Variants in CTSH observed in about 807,000 individuals in gnomAD.
CTSH encodes the protein pro-cathepsin H.
CTSH carries 52 observed loss-of-function variants against 56.3 expected under a neutral mutation model. The ratio of observed to expected loss-of-function variants is 0.92; its 90% CI spans 0.74 to 1.16. CTSH has a LOEUF of 1.16. CTSH is among the 50% of genes most tolerant of loss of function. The pLI, the probability that CTSH is intolerant of heterozygous loss-of-function variation, is 0.00. For synonymous variants in CTSH, 174 were observed against 155.7 expected, an observed-to-expected ratio of 1.12 and a Z score of -0.88; for missense variants, 406 against 424.5, an observed-to-expected ratio of 0.96 and a Z score of 0.38.
intron 8 of CTSH, among the ~76,000 whole-genome samples, chr15:78,928,225 A>G (rs79123103): frequency 0.1 from 15,295 of 151,442 alleles, 837 homozygotes; most frequent in East Asian, 0.26. Context: ...GGAGGGTAGG[A>G]CCTGGCATTT....
In CTSH at chr15:78,929,332, G is replaced by C. The variant is rs893918851; in HGVS notation, c.630+80C>G. 10 of 1,073,978 alleles carry C rather than the reference G, an allele frequency of 9.3e-6. No individual in the cohort carries two copies. In the African/African-American group the frequency reaches 1.4e-4, roughly 15 times the overall value. 66.5% of individuals were successfully genotyped at this position (1,073,978 alleles called of 1,614,324 possible). On this transcript the variant is annotated intron_variant, in intron 8 of 11. Transcript: ENST00000220166. ...GCGGGAGGGAGGTGGGGGGAGAAGG[G>C]ATGTCTTCCAAGGCTGGGGAGGGAG...
intron 2 of CTSH, chr15:78,937,649 A>G (rs566671183): frequency 7.2e-7 from 1 of 1,393,110 alleles, no homozygotes; most frequent in Non-Finnish European, 9.4e-7. Context: ...GCTGCGTGAA[A>G]GTCAGAATGT....
intron 1 of CTSH, among the ~76,000 whole-genome samples, chr15:78,940,660 T>A (rs1314805778): frequency 6.6e-6 from 1 of 152,212 alleles, no homozygotes; most frequent in East Asian, 1.9e-4. Context: ...AACTTTTCTA[T>A]AAGAGTCAGG....
chr15:78,944,441 C>G (rs1032990875), intron 1 of CTSH: 1 of 154,790 alleles, frequency 6.5e-6, no homozygotes, highest in African/African-American at 2.4e-5. Flanking sequence ...CCCGTCCAAC[C>G]TACTCTACAG....
At chr15:78,933,545 T>TA (rs1440180894) in intron 5 of CTSH, 1 of 455,184 alleles carries the variant, frequency 2.2e-6, no homozygotes, top group African/African-American at 2.0e-5. Flanking sequence ...TCCCTTCACA[T>TA]ATCTCTCTCA....
At chr15:78,924,017 T>C (rs1305768635) in intron 10 of CTSH, among the ~76,000 whole-genome samples, 1 of 147,886 alleles carries the variant, frequency 6.8e-6, no homozygotes, top group African/African-American at 2.5e-5. Flanking sequence ...GCAAAGAGGC[T>C]GCTTCTCTAC....
In CTSH at chr15:78,932,437, T is replaced by C. The variant is rs2055082989; in HGVS notation, c.427A>G (p.Thr143Ala). 4 of 1,613,820 alleles carry C rather than the reference T, an allele frequency of 2.5e-6. No homozygotes were observed. The highest frequency in any genetic ancestry group is 3.4e-6 in the Non-Finnish European group (4 of 1,179,932). ...KNQGACGSCWTFSTTGALESA... is the reference protein window; with the variant it reads ...KNQGACGSCWAFSTTGALESA... The stretch of plus-strand genomic sequence containing the variant: ...TCCAGGGCCCCAGTGGTGGAGAAAG[T>C]CCAGCAACTGCCGCAGGCACCCTGG... Residue 143 changes from threonine to alanine, a missense_variant, in exon 6 of 12, where the codon ACT (threonine) becomes GCT (alanine). Transcript: ENST00000220166.
chr15:78,939,201 G>A (rs1234609876), intron 1 of CTSH, 30 bp from the exon 2 acceptor site: 2 of 1,572,480 alleles, frequency 1.3e-6, no homozygotes, highest in Non-Finnish European at 1.7e-6. Context: ...ATTAGGTCTG[G>A]GCGCATCACA....
At chr15:78,923,681 T>G (rs527824586) in intron 10 of CTSH, among the ~76,000 whole-genome samples, 2 of 152,192 alleles carry the variant, frequency 1.3e-5, no homozygotes, top group Non-Finnish European at 2.9e-5. Context: ...ACTCCCTCTT[T>G]CCTGGCAAGG....
chr15:78,926,778 T>A (rs2054912233), intron 9 of CTSH: 2 of 152,242 alleles, frequency 1.3e-5, no homozygotes, highest in Admixed American at 1.3e-4. Flanking sequence ...CCCCGTTTCC[T>A]CACCTGTCAA....
chr15:78,929,365 A>G lies in CTSH; in HGVS notation c.630+47T>C, dbSNP rs754482727. On this transcript the variant is annotated intron_variant, in intron 8 of 11. Transcript: ENST00000220166. ...CCAAGGCTGGGGAGGGAGTGAAGCT[A>G]GGCATGCTGTACGCCAAGAAGACAG... The G allele has an allele frequency of 3.5e-6, 5 of 1,429,234 alleles. No individual in the cohort carries two copies. The Admixed American group carries it at 8.6e-5, about 25-fold the overall frequency. The allele number at this position is 1,429,234 out of a possible 1,614,324, so 88.5% of individuals were successfully genotyped here.
chr15:78,924,103 G>T (rs868624359), intron 10 of CTSH, among the ~76,000 whole-genome samples: 1 of 126,748 alleles, frequency 7.9e-6, no homozygotes, highest in Admixed American at 7.7e-5. Flanking sequence ...CAGCGGGGGG[G>T]GGGGGGAGGG....
intron 2 of CTSH, chr15:78,937,643 C>T (rs1234426528): frequency 7.2e-6 from 10 of 1,394,910 alleles, no homozygotes; most frequent in Admixed American, 4.9e-5. Flanking sequence ...CATGCAGCTG[C>T]GTGAAAGTCA....
chr15:78,935,020 G>A lies in CTSH; in HGVS notation c.363C>T (p.Asp121=), dbSNP rs1344846746. The A allele has an allele frequency of 6.2e-7, 1 of 1,614,106 alleles. No individual in the cohort carries two copies. The highest frequency in any genetic ancestry group is 8.5e-7 in the Non-Finnish European group (1 of 1,179,972). The change falls in exon 5 of 12, where the codon GAC becomes GAT. Residue 121 remains aspartate, a synonymous_variant. Transcript: ENST00000220166. ...AGACAAAATTTCCTTTTTTCCGCCA[G>A]TCCACGGAAGGTGGGTAGGGACCAG... is the stretch of plus-strand genomic sequence containing the variant. ...RGTGPYPPSV[D]WRKKGNFVSP...
intron 5 of CTSH, among the ~76,000 whole-genome samples, chr15:78,933,970 T>C (rs2055120014): frequency 6.6e-6 from 1 of 152,086 alleles, no homozygotes; most frequent in Admixed American, 6.5e-5. Flanking sequence ...ACTTGGAAAA[T>C]TCTTGGTGGG....
Position 78,945,009 on chromosome 15 carries a change from C to G in CTSH, c.-28G>C. On this transcript the variant is annotated 5_prime_UTR_variant, in exon 1 of 12. Transcript: ENST00000220166. The stretch of plus-strand genomic sequence containing the variant: ...CAGCGCTGGCGGCTTGGCTCTTGCG[C>G]TCAGGGTCCGCGGAGGTGGCGGCCC... 1 of 1,511,770 alleles carries G rather than the reference C, an allele frequency of 6.6e-7. No individual in the cohort carries two copies. Among genetic ancestry groups the G allele is most frequent in the South Asian group, 1.2e-5 (1 of 81,130 alleles). 93.6% of individuals were successfully genotyped at this position (1,511,770 alleles called of 1,614,324 possible).
In CTSH at chr15:78,923,131, A is replaced by AT. The variant is rs778569371; in HGVS notation, c.807-14dup. ...ATGGCAGGAAGTACTGGAAAACAAA[A>AT]TTCAAAAAGAGGTGATCATATGGGA... is the stretch of plus-strand genomic sequence containing the variant. On this transcript the variant is annotated splice_polypyrimidine_tract_variant and intron_variant, in intron 10 of 11. Coordinates refer to ENST00000220166, the MANE Select transcript of CTSH (RefSeq NM_004390.5). 98 of 1,612,728 alleles carry AT rather than the reference A, an allele frequency of 6.1e-5. No individual in the cohort carries two copies. The highest frequency in any genetic ancestry group is 7.7e-5 in the Non-Finnish European group (91 of 1,179,690).
chr15:78,935,959 A>G (rs561477118), intron 3 of CTSH, among the ~76,000 whole-genome samples: 12 of 152,114 alleles, frequency 7.9e-5, no homozygotes, highest in African/African-American at 2.9e-4. Flanking sequence ...AGCTTTTTCA[A>G]TGGTATAGAT....
chr15:78,927,634 C>T (rs2054939782), intron 9 of CTSH, 79 bp downstream of exon 9: 3 of 1,287,608 alleles, frequency 2.3e-6, no homozygotes, highest in South Asian at 2.4e-5. Flanking sequence ...CCTTGCTGGG[C>T]CCACTGGCTA....
Sources: allele counts gnomAD v4.1 joint callset (sites outside exome capture counted in the v4.1 genomes callset), GRCh38; gene constraint gnomAD v4.1.1; transcripts MANE v1.5; gene names NCBI Gene and HGNC (gene_info 2026-07-23, HGNC 2026-07-21).